ZFAND1: variants seen among roughly 807,000 people sequenced by gnomAD.
ZFAND1 encodes AN1-type zinc finger protein 1.
Under a neutral mutation model 38.5 loss-of-function variants are expected in ZFAND1, and 40 were observed. The ratio of observed to expected loss-of-function variants is 1.04; its 90% confidence interval spans 0.81 to 1.35. The LOEUF (loss-of-function observed/expected upper bound fraction) is 1.35, where lower values mean the gene tolerates loss of function less well. Ranked by LOEUF, ZFAND1 falls within the 40% of genes most tolerant of loss-of-function variation. The pLI, the probability that ZFAND1 is intolerant of heterozygous loss-of-function variation, is 0.00. For missense variants in ZFAND1, 346 were observed against 316.3 expected (o/e 1.09, Z -0.71); for synonymous variants, 117 against 103.6 (o/e 1.13, Z -0.78).
At chr8:81,708,390 T>C (rs1002143899) in intron 6 of ZFAND1, among the ~76,000 whole-genome samples, 1 of 151,488 alleles carries the variant, frequency 6.6e-6, no homozygotes, top group African/African-American at 2.4e-5. Flanking sequence ...ATTAGAAATA[T>C]AAGTAATATC....
chr8:81,706,600 T>C (rs899976680), intron 6 of ZFAND1, among the ~76,000 whole-genome samples: 3 of 151,942 alleles, frequency 2.0e-5, no homozygotes, highest in Non-Finnish European at 2.9e-5. Context: ...GTTATCACCA[T>C]TATCATTTTA....
intron 1 of ZFAND1, among the ~76,000 whole-genome samples, chr8:81,719,310 A>AAAACACAC (rs547501232): frequency 4.8e-5 from 6 of 124,858 alleles, no homozygotes; most frequent in Admixed American, 2.5e-4. Flanking sequence ...CTCTACTGAA[A>AAAACACAC]ACACACACAC....
At position 81,703,109 on chromosome 8, in the gene ZFAND1, A is replaced by G; in HGVS notation, c.496T>C (p.Phe166Leu). The change falls in exon 7 of 8, where the codon TTT (phenylalanine) becomes CTT (leucine). Residue 166 changes from phenylalanine to leucine, a missense_variant. By Grantham distance (22) the Phe-to-Leu change is conservative. Transcript: ENST00000220669. ...CTCCCTTTAGGTAAGAAAACCTGAA[A>G]GTAAATTCTTTCTGTCTGTAAAAAG... ...KSLPQTERIY[F>L]QVFLPKGSKE... The G allele has an allele frequency of 6.6e-7, 1 of 1,506,928 alleles. No individual in the cohort carries two copies. The highest frequency in any genetic ancestry group is 8.9e-7 in the Non-Finnish European group (1 of 1,123,240). 93.3% of individuals were successfully genotyped at this position (1,506,928 alleles called of 1,614,324 possible).
In ZFAND1 at chr8:81,720,900, T is replaced by C. The variant is rs1335221667; in HGVS notation, c.55+327A>G. The C allele has an allele frequency of 9.2e-5, 41 of 445,392 alleles. 1 individual carries two copies. Among genetic ancestry groups the C allele is most frequent in the Non-Finnish European group, 4.0e-6 (1 of 247,882 alleles). The allele number at this position is 445,392 out of a possible 1,614,324, so 27.6% of individuals were successfully genotyped here. A position where few individuals can be genotyped will look rare whatever the true frequency, so the allele number is the denominator to read the frequency against. On this transcript the variant is annotated intron_variant, in intron 1 of 7. Transcript: ENST00000220669. ...TTCCTTCCAAGGAGACCACACGTCATTTCAAAAGCTCACGGCCAAAAAAAA... is the reference window on the plus strand; with the variant it reads ...TTCCTTCCAAGGAGACCACACGTCACTTCAAAAGCTCACGGCCAAAAAAAA...
chr8:81,706,045 A>G (rs530336274), intron 6 of ZFAND1, among the ~76,000 whole-genome samples: 213 of 152,330 alleles, frequency 1.4e-3, no homozygotes, highest in African/African-American at 4.8e-3. Flanking sequence ...CAAAATTTAC[A>G]ATGTGTCAAA....
At chr8:81,708,857 C>T (rs1374403635) in intron 6 of ZFAND1, 1 of 1,172,430 alleles carries the variant, frequency 8.5e-7, no homozygotes, top group Non-Finnish European at 1.1e-6. Context: ...AAATATATCT[C>T]AGAAGAGCTG....
intron 4 of ZFAND1, 23 bp from the exon 5 acceptor site, chr8:81,714,918 A>C (rs746428839): frequency 6.2e-7 from 1 of 1,614,064 alleles, no homozygotes; most frequent in Admixed American, 1.7e-5. Flanking sequence ...GAAGAGTGAC[A>C]CTAGTTCATG....
chr8:81,704,075 A>G (rs1359535932), intron 6 of ZFAND1, among the ~76,000 whole-genome samples: 2 of 150,098 alleles, frequency 1.3e-5, no homozygotes, highest in Non-Finnish European at 3.0e-5. Flanking sequence ...ATTTAGACAG[A>G]AGGACTTTTC....
chr8:81,711,186 G>T (rs190058389), intron 6 of ZFAND1, among the ~76,000 whole-genome samples: 2 of 152,258 alleles, frequency 1.3e-5, no homozygotes, highest in Admixed American at 6.5e-5. Flanking sequence ...GGCAGAGGAG[G>T]GTGGATCACG....
chr8:81,718,748 T>A (rs1334819355), intron 1 of ZFAND1, among the ~76,000 whole-genome samples: 1 of 150,216 alleles, frequency 6.7e-6, no homozygotes, highest in East Asian at 1.9e-4. Context: ...AAAGCTTGAC[T>A]ATATTCAAAT....
intron 6 of ZFAND1, among the ~76,000 whole-genome samples, chr8:81,708,177 G>A (rs930721140): frequency 2.7e-5 from 4 of 150,402 alleles, no homozygotes; most frequent in African/African-American, 9.8e-5. Context: ...TTGAACTCAG[G>A]AGGCAGATGT....
At chr8:81,710,955 C>G (rs947313309) in intron 6 of ZFAND1, among the ~76,000 whole-genome samples, 3 of 152,064 alleles carry the variant, frequency 2.0e-5, no homozygotes, top group Admixed American at 6.6e-5. Flanking sequence ...CAGAAAGAGA[C>G]AGCAGATGAT....
At chr8:81,713,644 T>C (rs1808209672) in intron 6 of ZFAND1, among the ~76,000 whole-genome samples, 1 of 152,138 alleles carries the variant, frequency 6.6e-6, no homozygotes. Flanking sequence ...CCGAATTTTG[T>C]TGACTAAATC....
chr8:81,716,078 T>G (rs945225369), intron 3 of ZFAND1, among the ~76,000 whole-genome samples: 1 of 152,252 alleles, frequency 6.6e-6, no homozygotes, highest in African/African-American at 2.4e-5. Context: ...AGATTTTGAC[T>G]GATCATTTAA....
rs180978461 is a variant in ZFAND1, at chr8:81,715,146, A to C, written c.139-32T>G. 5 of 1,609,416 alleles carry C rather than the reference A, an allele frequency of 3.1e-6. No homozygotes were observed. The East Asian group carries it at 8.9e-5, about 29-fold the overall frequency. ...ATGCAAAAAGGAGGAAATGTATTACATTTCAGACCTAAAACAAATCAATGT... is the reference window on the plus strand; with the variant it reads ...ATGCAAAAAGGAGGAAATGTATTACCTTTCAGACCTAAAACAAATCAATGT... On this transcript the variant is annotated intron_variant, in intron 3 of 7. Transcript: ENST00000220669.
At chr8:81,705,538 T>C (rs1807951804) in intron 6 of ZFAND1, among the ~76,000 whole-genome samples, 1 of 152,116 alleles carries the variant, frequency 6.6e-6, no homozygotes, top group African/African-American at 2.4e-5. Context: ...TATAGATAAG[T>C]TTCTATAATC....
chr8:81,709,726 T>C (rs1393712070), intron 6 of ZFAND1, among the ~76,000 whole-genome samples: 1 of 152,178 alleles, frequency 6.6e-6, no homozygotes, highest in Non-Finnish European at 1.5e-5. Context: ...GGAAAAACTT[T>C]TATCTACAAA....
intron 3 of ZFAND1, among the ~76,000 whole-genome samples, chr8:81,715,736 A>T (rs1808289215): frequency 6.6e-6 from 1 of 152,168 alleles, no homozygotes; most frequent in South Asian, 2.1e-4. Context: ...GTAGGGAAAT[A>T]ATTGCTTGAA....
At chr8:81,707,318 T>C (rs985187563) in intron 6 of ZFAND1, among the ~76,000 whole-genome samples, 12 of 152,194 alleles carry the variant, frequency 7.9e-5, no homozygotes, top group African/African-American at 2.7e-4. Flanking sequence ...TTCAAATAAA[T>C]GGTCAAATCC....
Sources: gnomAD v4.1 joint callset for allele counts (sites outside exome capture counted in the v4.1 genomes callset) on GRCh38, gnomAD v4.1.1 for gene constraint, MANE v1.5 for transcripts, NCBI Gene and HGNC (gene_info 2026-07-23, HGNC 2026-07-21) for gene names.